The following PCDH15 variants were observed in gnomAD, a reference collection of about 807,000 sequenced individuals.
PCDH15 encodes protocadherin-15.
A neutral mutation model predicts 178.5 loss-of-function variants in PCDH15; 129 were observed. The observed-to-expected ratio is 0.72, with a 90% CI of 0.63 to 0.84. PCDH15 has a LOEUF of 0.84. PCDH15 is among the 40% of genes least tolerant of loss of function. PCDH15 has a pLI of 0.00. For missense variants in PCDH15, 2,230 were observed against 2,099.9 expected (o/e 1.06, Z -1.21); for synonymous variants, 800 against 732.0 (o/e 1.09, Z -1.50).
At chr10:55,181,697 A>G (rs1839652791) in intron 1 of PCDH15, among the ~76,000 whole-genome samples, 1 of 152,020 alleles carries the variant, frequency 6.6e-6, no homozygotes, top group African/African-American at 2.4e-5. Context: ...ATAAATGCAT[A>G]TATTATGTGC....
At chr10:54,513,283 C>T (rs906832879) in intron 3 of PCDH15, among the ~76,000 whole-genome samples, 4 of 139,592 alleles carry the variant, frequency 2.9e-5, no homozygotes, top group Middle Eastern at 3.6e-3. Context: ...ATTTATGAGA[C>T]ACAGTCTCAC....
chr10:54,489,882 G>T (rs2079427098), intron 3 of PCDH15, among the ~76,000 whole-genome samples: 1 of 152,002 alleles, frequency 6.6e-6, no homozygotes, highest in Admixed American at 6.6e-5. Flanking sequence ...GATTTCAACT[G>T]TCCTGTCTTC....
At chr10:54,775,226 A>C in intron 1 of PCDH15, among the ~76,000 whole-genome samples, 1 of 152,304 alleles carries the variant, frequency 6.6e-6, no homozygotes, top group Non-Finnish European at 1.5e-5. Context: ...ACATAATTTT[A>C]TTTACTATTG....
At chr10:55,597,125 C>T (rs1189312782) in intron 2 of PCDH15, 1 of 152,180 alleles carries the variant, frequency 6.6e-6, no homozygotes, top group Non-Finnish European at 1.5e-5. Flanking sequence ...TGGCGGGAGC[C>T]TGATCCCTGC....
intron 2 of PCDH15, among the ~76,000 whole-genome samples, chr10:55,155,384 G>A (rs959524528): frequency 2.7e-5 from 4 of 149,792 alleles, no homozygotes; most frequent in Non-Finnish European, 3.0e-5. Flanking sequence ...GAAAACTGAA[G>A]AGAAGAATGG....
chr10:54,708,449 T>C (rs2095390326), intron 1 of PCDH15, among the ~76,000 whole-genome samples: 1 of 152,188 alleles, frequency 6.6e-6, no homozygotes, highest in South Asian at 2.1e-4. Context: ...ATATAATGTA[T>C]TGAATGGCAA....
At chr10:54,392,845 G>A (rs2135346791) in intron 3 of PCDH15, among the ~76,000 whole-genome samples, 1 of 149,798 alleles carries the variant, frequency 6.7e-6, no homozygotes, top group East Asian at 2.0e-4. Flanking sequence ...GTTGTAGTGA[G>A]CCGTGATTAT....
intron 2 of PCDH15, among the ~76,000 whole-genome samples, chr10:54,989,200 C>A (rs1254664226): frequency 6.6e-6 from 1 of 152,196 alleles, no homozygotes; most frequent in African/African-American, 2.4e-5. Context: ...GATGCCCAGG[C>A]AGAAGTTTGC....
intron 8 of PCDH15, among the ~76,000 whole-genome samples, chr10:54,298,252 C>A (rs371960563): frequency 6.6e-6 from 1 of 152,138 alleles, no homozygotes; most frequent in Admixed American, 6.5e-5. Context: ...AAGTTTATTA[C>A]CCGATCAGCC....
chr10:55,488,013 G>T (rs941192220), intron 2 of PCDH15, among the ~76,000 whole-genome samples: 4 of 151,554 alleles, frequency 2.6e-5, no homozygotes, highest in Admixed American at 6.6e-5. Flanking sequence ...GTTCAGTCCT[G>T]CAGGAATGAT....
chr10:55,506,876 T>C (rs918153166), intron 2 of PCDH15, among the ~76,000 whole-genome samples: 13 of 151,512 alleles, frequency 8.6e-5, no homozygotes, highest in African/African-American at 3.1e-4. Context: ...ACAAGCAAAA[T>C]TTTGCAAACT....
intron 20 of PCDH15, among the ~76,000 whole-genome samples, chr10:54,019,150 G>GA (rs1305414571): frequency 6.6e-6 from 1 of 151,634 alleles, no homozygotes; most frequent in Non-Finnish European, 1.5e-5. Flanking sequence ...TCAGGAAGCA[G>GA]AAAAAAACAC....
chr10:54,539,185 T>A (rs913302940), intron 2 of PCDH15, among the ~76,000 whole-genome samples: 2 of 152,072 alleles, frequency 1.3e-5, no homozygotes, highest in African/African-American at 4.8e-5. Context: ...AGGCACAGAG[T>A]GATGGGTTGG....
intron 13 of PCDH15, among the ~76,000 whole-genome samples, chr10:54,163,242 C>T (rs939523973): frequency 6.6e-6 from 1 of 152,096 alleles, no homozygotes; most frequent in Admixed American, 6.6e-5. Flanking sequence ...TATTTTCACA[C>T]TGCTATAAGG....
At chr10:54,504,920 C>G (rs967520161) in intron 3 of PCDH15, among the ~76,000 whole-genome samples, 13 of 151,944 alleles carry the variant, frequency 8.6e-5, no homozygotes, top group South Asian at 2.1e-4. Context: ...TTATAATAGA[C>G]AGATTTATAA....
chr10:55,467,663 T>C (rs1839860042), intron 2 of PCDH15, among the ~76,000 whole-genome samples: 1 of 151,744 alleles, frequency 6.6e-6, no homozygotes, highest in South Asian at 2.1e-4. Flanking sequence ...AGCAACAAGT[T>C]TGACTAAGAA....
At chr10:55,340,937 G>A (rs1366454082) in intron 2 of PCDH15, among the ~76,000 whole-genome samples, 1 of 151,772 alleles carries the variant, frequency 6.6e-6, no homozygotes, top group Non-Finnish European at 1.5e-5. Flanking sequence ...ACTATAATTT[G>A]TCAAAATACC....
intron 13 of PCDH15, among the ~76,000 whole-genome samples, chr10:54,166,570 C>G (rs978124069): frequency 1.3e-5 from 2 of 152,176 alleles, no homozygotes; most frequent in Non-Finnish European, 2.9e-5. Flanking sequence ...ATCCCTACTG[C>G]TCTATTTAAA....
intron 3 of PCDH15, among the ~76,000 whole-genome samples, chr10:54,834,829 C>T (rs747549003): frequency 6.6e-6 from 1 of 152,064 alleles, no homozygotes; most frequent in Non-Finnish European, 1.5e-5. Context: ...TTTAAAGTGG[C>T]AATGTTGTTT....
Sources: gnomAD v4.1 joint callset for allele counts (sites outside exome capture counted in the v4.1 genomes callset) on GRCh38, gnomAD v4.1.1 for gene constraint, MANE v1.5 for transcripts, NCBI Gene and HGNC (gene_info 2026-07-23, HGNC 2026-07-21) for gene names.